ALPK2: variants seen among roughly 807,000 people sequenced by gnomAD.
ALPK2 encodes alpha kinase 2.
In ALPK2, 127 loss-of-function variants were observed where a neutral mutation model predicts 163.1. The ratio of observed to expected loss-of-function variants is 0.78; its 90% CI spans 0.67 to 0.90. The LOEUF is 0.90. ALPK2 is among the 40% of genes least tolerant of loss of function. The probability of loss-of-function intolerance (pLI) is 0.00; values close to 1 mark genes in which losing one functional copy is unlikely to be tolerated. For synonymous variants in ALPK2, 953 were observed against 959.1 expected, an observed-to-expected ratio of 0.99 and a Z score of 0.12; for missense variants, 2,360 against 2,589.6, an observed-to-expected ratio of 0.91 and a Z score of 1.92.
At chr18:58,504,384 T>C (rs2051450797) in intron 10 of ALPK2, among the ~76,000 whole-genome samples, 2 of 152,250 alleles carry the variant, frequency 1.3e-5, no homozygotes, top group African/African-American at 4.8e-5. Context: ...TAGAAATGAA[T>C]GTCTTCATTG....
chr18:58,551,126 C>T (rs2051757798), intron 4 of ALPK2, among the ~76,000 whole-genome samples: 2 of 146,380 alleles, frequency 1.4e-5, no homozygotes, highest in Middle Eastern at 3.6e-3. Context: ...AAAAAACCCA[C>T]ATTTTTTTTC....
chr18:58,533,757 T>C (rs1476870387), intron 5 of ALPK2, among the ~76,000 whole-genome samples: 1 of 152,136 alleles, frequency 6.6e-6, no homozygotes, highest in Non-Finnish European at 1.5e-5. Flanking sequence ...TGCCGAGCCA[T>C]TCTCTTTAAA....
chr18:58,535,750 A>T lies in ALPK2; in HGVS notation c.4437T>A (p.Ala1479=), dbSNP rs3826594. The change falls in exon 5 of 13, where the codon GCT becomes GCA. Residue 1479 remains alanine, a synonymous_variant. Coordinates refer to ENST00000361673, the MANE Select transcript of ALPK2 (RefSeq NM_052947.4). The part of the protein sequence containing the change: ...RSQEGSMKQE[A]EQIQPEEAKT... ...TTGCCTCCTCAGGTTGAATTTGTTC[A>T]GCCTCCTGCTTCATACTGCCTTCTT... 1,229,357 of 1,614,098 alleles carry T rather than the reference A, an allele frequency of 0.76. 471,881 individuals are homozygous for T. The highest frequency in any genetic ancestry group is 0.81 in the East Asian group (36,239 of 44,874).
intron 1 of ALPK2, among the ~76,000 whole-genome samples, chr18:58,616,907 T>TG (rs1056670241): frequency 3.3e-4 from 50 of 150,742 alleles, no homozygotes; most frequent in African/African-American, 1.1e-3. Context: ...TCCGGGGGCT[T>TG]GGGGGGTGGG....
chr18:58,591,985 A>G (rs932336468), intron 3 of ALPK2, among the ~76,000 whole-genome samples: 5 of 152,248 alleles, frequency 3.3e-5, no homozygotes, highest in Non-Finnish European at 5.9e-5. Flanking sequence ...TTTAGACCTC[A>G]GGTTCCAGTT....
At position 58,528,322 on chromosome 18, in the gene ALPK2, A is replaced by C. The variant is rs190965431; in HGVS notation, c.5501+769T>G. ...TGAGGCAGGTGGATCACTTGAGGCC[A>C]GGAGTTCAAGACCAGCCTGGGCAAT... On this transcript the variant is annotated intron_variant, in intron 6 of 12. Coordinates refer to ENST00000361673, the MANE Select transcript of ALPK2 (RefSeq NM_052947.4). 5.0e-4 allele frequency among the ~76,000 whole-genome samples: 76 copies of C among 152,280 alleles called. 1 individual carries two copies. In the East Asian group the frequency reaches 0.012, roughly 25 times the overall value.
chr18:58,561,320 G>A (rs1015153966), intron 4 of ALPK2, among the ~76,000 whole-genome samples: 1 of 152,198 alleles, frequency 6.6e-6, no homozygotes, highest in Non-Finnish European at 1.5e-5. Context: ...AATATTGAAA[G>A]GGTGATGAAA....
chr18:58,603,949 AC>A (rs753023043), intron 3 of ALPK2, among the ~76,000 whole-genome samples: 18 of 152,208 alleles, frequency 1.2e-4, no homozygotes, highest in Admixed American at 5.2e-4. Context: ...TGTAAAGGTT[AC>A]AACAGCAATG....
intron 4 of ALPK2, among the ~76,000 whole-genome samples, chr18:58,542,296 T>C (rs946554028): frequency 1.3e-5 from 2 of 152,234 alleles, no homozygotes; most frequent in African/African-American, 4.8e-5. Flanking sequence ...TATTGCCTGG[T>C]GCCCAGAAGG....
chr18:58,518,310 T>C (rs2144127430), intron 8 of ALPK2, among the ~76,000 whole-genome samples: 1 of 152,328 alleles, frequency 6.6e-6, no homozygotes, highest in African/African-American at 2.4e-5. Flanking sequence ...ACTATTCTGA[T>C]CGGGTATTGA....
chr18:58,606,793 G>A (rs71357612), intron 3 of ALPK2, among the ~76,000 whole-genome samples: 1 of 152,030 alleles, frequency 6.6e-6, no homozygotes, highest in Non-Finnish European at 1.5e-5. Context: ...TACTTATTGA[G>A]TTTCCTGGTT....
At chr18:58,490,628 GAA>G (rs1241209119) in intron 12 of ALPK2, among the ~76,000 whole-genome samples, 2 of 142,280 alleles carry the variant, frequency 1.4e-5, no homozygotes, top group African/African-American at 5.1e-5. Context: ...CCTGGCTGGA[GAA>G]AAAAAAAAAA....
intron 4 of ALPK2, among the ~76,000 whole-genome samples, chr18:58,562,076 A>G (rs2051828386): frequency 6.6e-6 from 1 of 152,180 alleles, no homozygotes; most frequent in African/African-American, 2.4e-5. Flanking sequence ...ATGGAGCTTG[A>G]GTTCCAGTTT....
At chr18:58,552,961 G>A (rs1294533579) in intron 4 of ALPK2, among the ~76,000 whole-genome samples, 1 of 152,154 alleles carries the variant, frequency 6.6e-6, no homozygotes, top group Non-Finnish European at 1.5e-5. Flanking sequence ...ATTACAGTGG[G>A]CCCGAATCCA....
intron 3 of ALPK2, among the ~76,000 whole-genome samples, chr18:58,601,441 A>G (rs2052069149): frequency 6.6e-6 from 1 of 152,170 alleles, no homozygotes. Flanking sequence ...TTGCAATGTG[A>G]CTTTGCCACT....
chr18:58,622,611 AG>A (rs2144243313), intron 1 of ALPK2, among the ~76,000 whole-genome samples: 2 of 152,324 alleles, frequency 1.3e-5, no homozygotes, highest in African/African-American at 4.8e-5. Flanking sequence ...AAAGTGTGAC[AG>A]TGCTGTAATC....
At chr18:58,553,419 A>G (rs1458382679) in intron 4 of ALPK2, among the ~76,000 whole-genome samples, 1 of 152,116 alleles carries the variant, frequency 6.6e-6, no homozygotes, top group African/African-American at 2.4e-5. Flanking sequence ...TTTCACTACA[A>G]ATAGGCTCAG....
intron 1 of ALPK2, among the ~76,000 whole-genome samples, chr18:58,628,164 T>A (rs372425704): frequency 3.9e-5 from 6 of 152,340 alleles, no homozygotes; most frequent in Non-Finnish European, 8.8e-5. Context: ...AATTTTTTTT[T>A]AAATCTATTT....
chr18:58,521,390 GTCT>G (rs772379722), intron 8 of ALPK2, among the ~76,000 whole-genome samples: 1 of 152,152 alleles, frequency 6.6e-6, no homozygotes, highest in Non-Finnish European at 1.5e-5. Flanking sequence ...CCTTCTGAGA[GTCT>G]TCTTATTTTC....
Sources: allele counts gnomAD v4.1 joint callset (sites outside exome capture counted in the v4.1 genomes callset), GRCh38; gene constraint gnomAD v4.1.1; transcripts MANE v1.5; gene names NCBI Gene and HGNC (gene_info 2026-07-23, HGNC 2026-07-21).